The following C6orf89 variants were observed in gnomAD, a reference collection of about 807,000 sequenced individuals.
The protein encoded by C6orf89 is chromosome 6 open reading frame 89.
In C6orf89, 29 loss-of-function variants were observed where a neutral mutation model predicts 40.7. The observed-to-expected ratio is 0.71, with a 90% CI of 0.53 to 0.97. C6orf89 has a LOEUF of 0.97. Among genes scored for constraint, C6orf89 ranks in the 50% least tolerant of loss-of-function variants. C6orf89 has a pLI of 0.00. For missense variants in C6orf89, 392 were observed against 429.1 expected (o/e 0.91, Z 0.76); for synonymous variants, 165 against 152.2 (o/e 1.08, Z -0.62).
intron 1 of C6orf89, among the ~76,000 whole-genome samples, chr6:36,887,118 TG>T (rs1165756804): frequency 5.6e-4 from 84 of 150,096 alleles, no homozygotes; most frequent in African/African-American, 2.0e-3. Context: ...TGCGTTTTTT[TG>T]TTTTTTTTTT....
intron 4 of C6orf89, among the ~76,000 whole-genome samples, chr6:36,913,279 C>T (rs1762190373): frequency 6.6e-6 from 1 of 152,210 alleles, no homozygotes; most frequent in Non-Finnish European, 1.5e-5. Context: ...TCTTCCATTT[C>T]TGACCAGCAT....
intron 1 of C6orf89, among the ~76,000 whole-genome samples, chr6:36,888,323 G>A (rs1256772803): frequency 6.6e-6 from 1 of 152,138 alleles, no homozygotes; most frequent in Non-Finnish European, 1.5e-5. Flanking sequence ...CTTAGCATGA[G>A]CCAATTTGTG....
At chr6:36,874,939 C>T (rs1450559975) in intron 1 of C6orf89, 1 of 693,732 alleles carries the variant, frequency 1.4e-6, no homozygotes, top group East Asian at 2.9e-5. Flanking sequence ...TGCCGGGAAG[C>T]TGGGGTGGGA....
rs1171144414 is a variant in C6orf89, at chr6:36,925,101, GAAC to G, written c.*1666_*1668del. Reference sequence around the variant, plus strand: ...CAACCCCTTGTGTGGATGAATACAGGAACAACAAAACTTGTGTACGTATGAAAG... The same window carrying G: ...CAACCCCTTGTGTGGATGAATACAGGAACAAAACTTGTGTACGTATGAAAG... On this transcript the variant is annotated 3_prime_UTR_variant, in exon 9 of 9. Coordinates refer to ENST00000480824, the MANE Select transcript of C6orf89 (RefSeq NM_001286635.2). 8 of 152,288 alleles carry G rather than the reference GAAC, an allele frequency of 5.3e-5. No individual in the cohort carries two copies. The highest frequency in any genetic ancestry group is 1.9e-4 in the African/African-American group (8 of 41,562). 9.4% of individuals were successfully genotyped at this position (152,288 alleles called of 1,614,324 possible). A position where few individuals can be genotyped will look rare whatever the true frequency, so the allele number is the denominator to read the frequency against.
intron 1 of C6orf89, among the ~76,000 whole-genome samples, chr6:36,891,529 C>G (rs539096743): frequency 9.1e-4 from 139 of 152,288 alleles, no homozygotes; most frequent in African/African-American, 2.3e-3. Context: ...ATGGCTGGGT[C>G]AAATGGTATT....
intron 2 of C6orf89, among the ~76,000 whole-genome samples, chr6:36,898,278 C>CTTTTTT (rs1210544625): frequency 3.1e-5 from 4 of 127,454 alleles, no homozygotes; most frequent in African/African-American, 6.2e-5. Flanking sequence ...CTTTTCTTTT[C>CTTTTTT]TTTTCTTTTT....
chr6:36,887,566 A>C (rs1303105262), intron 1 of C6orf89, among the ~76,000 whole-genome samples: 1 of 152,214 alleles, frequency 6.6e-6, no homozygotes, highest in Non-Finnish European at 1.5e-5. Flanking sequence ...AAAGCACTGG[A>C]GACTAGGCTT....
chr6:36,892,238 G>A (rs575040938), intron 1 of C6orf89, among the ~76,000 whole-genome samples: 3 of 152,314 alleles, frequency 2.0e-5, no homozygotes, highest in Non-Finnish European at 4.4e-5. Flanking sequence ...TCTTGACCTC[G>A]TTTTGAGGAG....
intron 4 of C6orf89, among the ~76,000 whole-genome samples, chr6:36,913,077 C>G (rs1049905711): frequency 9.2e-5 from 14 of 152,290 alleles, no homozygotes; most frequent in African/African-American, 2.9e-4. Context: ...AAACACATCT[C>G]TCAGAGAACC....
chr6:36,903,468 C>CT (rs957080685), intron 4 of C6orf89, among the ~76,000 whole-genome samples: 94 of 151,034 alleles, frequency 6.2e-4, no homozygotes, highest in African/African-American at 2.0e-3. Flanking sequence ...ATGTCATTCT[C>CT]TTTTTTTTTG....
intron 1 of C6orf89, chr6:36,874,829 C>T (rs1414671541): frequency 1.3e-6 from 2 of 1,585,926 alleles, no homozygotes; most frequent in East Asian, 2.3e-5. Flanking sequence ...CGTCGATTAG[C>T]TGGGGACCCG....
chr6:36,873,753 C>T (rs1337841320), intron 1 of C6orf89, among the ~76,000 whole-genome samples: 1 of 152,076 alleles, frequency 6.6e-6, no homozygotes, highest in Non-Finnish European at 1.5e-5. Context: ...CAGAACTCTG[C>T]TTTAGCTGAA....
At chr6:36,898,629 T>G (rs1032589424) in intron 2 of C6orf89, among the ~76,000 whole-genome samples, 4 of 152,154 alleles carry the variant, frequency 2.6e-5, no homozygotes, top group African/African-American at 9.7e-5. Flanking sequence ...AACTCTACTT[T>G]GCCCCATTAG....
upstream of C6orf89, chr6:36,883,441 A>C (rs963439534): frequency 6.6e-6 from 1 of 152,370 alleles, no homozygotes; most frequent in Non-Finnish European, 1.5e-5. Context: ...AACTTCTACT[A>C]TCACAAGACT....
At chr6:36,906,705 A>T (rs952630382) in intron 4 of C6orf89, among the ~76,000 whole-genome samples, 1 of 152,144 alleles carries the variant, frequency 6.6e-6, no homozygotes, top group African/African-American at 2.4e-5. Flanking sequence ...ATGGTGCCAC[A>T]CATGCAGGGA....
At chr6:36,883,564 C>G (rs1004125744), upstream of C6orf89, among the ~76,000 whole-genome samples, 1 of 152,152 alleles carries the variant, frequency 6.6e-6, no homozygotes, top group Non-Finnish European at 1.5e-5. Flanking sequence ...GATTTTGCAG[C>G]CAGCCTTAAA....
intron 1 of C6orf89, chr6:36,874,916 T>A (rs1774610699): frequency 3.5e-6 from 3 of 858,024 alleles, no homozygotes; most frequent in Non-Finnish European, 5.5e-6. Flanking sequence ...AAGAGGACGG[T>A]CCCTTCTTCC....
chr6:36,906,048 CAT>C (rs1170429730), intron 4 of C6orf89, among the ~76,000 whole-genome samples: 2 of 152,194 alleles, frequency 1.3e-5, no homozygotes, highest in Non-Finnish European at 2.9e-5. Flanking sequence ...TTAAAAATAA[CAT>C]ATTCATTTCT....
chr6:36,918,727 G>T (rs962085385), intron 7 of C6orf89, among the ~76,000 whole-genome samples: 4 of 152,172 alleles, frequency 2.6e-5, no homozygotes, highest in African/African-American at 9.7e-5. Flanking sequence ...TCATCATCAA[G>T]GTAAGGAGAA....
Sources: allele counts gnomAD v4.1 joint callset (sites outside exome capture counted in the v4.1 genomes callset), GRCh38; gene constraint gnomAD v4.1.1; transcripts MANE v1.5; gene names NCBI Gene and HGNC (gene_info 2026-07-23, HGNC 2026-07-21).